KIAA0825: variants seen among roughly 807,000 people sequenced by gnomAD.
KIAA0825 encodes the protein uncharacterized protein KIAA0825.
KIAA0825 carries 119 observed loss-of-function variants against 147.6 expected under a neutral mutation model. That is an observed-to-expected ratio of 0.81 (90% CI 0.69 to 0.94). The LOEUF is 0.94. Ranked by LOEUF, KIAA0825 falls within the 40% of genes least tolerant of loss-of-function variation. KIAA0825 has a pLI of 0.00. For synonymous variants in KIAA0825, 470 were observed against 518.1 expected (o/e 0.91, Z 1.26); for missense variants, 1,381 against 1,472.7 (o/e 0.94, Z 1.02).
intron 20 of KIAA0825, among the ~76,000 whole-genome samples, chr5:94,288,004 C>T (rs1562350800): frequency 1.3e-5 from 2 of 152,080 alleles, no homozygotes; most frequent in South Asian, 4.1e-4. Flanking sequence ...AACCAAAATT[C>T]CAAGGAGGAA....
intron 20 of KIAA0825, among the ~76,000 whole-genome samples, chr5:94,162,685 C>T (rs1212420198): frequency 6.6e-6 from 1 of 152,150 alleles, no homozygotes. Flanking sequence ...TATTTCTTCT[C>T]CCAAACAAAA....
At chr5:94,598,548 A>G (rs931389677) in intron 1 of KIAA0825, among the ~76,000 whole-genome samples, 1 of 152,140 alleles carries the variant, frequency 6.6e-6, no homozygotes, top group African/African-American at 2.4e-5. Context: ...TAGAAGAAGA[A>G]TATGCTAAAA....
At chr5:94,439,219 G>A (rs570809969) in intron 14 of KIAA0825, among the ~76,000 whole-genome samples, 56 of 152,260 alleles carry the variant, frequency 3.7e-4, no homozygotes, top group African/African-American at 1.3e-3. Flanking sequence ...ACAGAAGAAA[G>A]ATTTTGATTT....
At chr5:94,417,845 T>A (rs1420521937) in intron 14 of KIAA0825, among the ~76,000 whole-genome samples, 16 of 152,214 alleles carry the variant, frequency 1.1e-4, no homozygotes, top group African/African-American at 3.9e-4. Context: ...AACAAATTTA[T>A]GAATGTTTCT....
intron 12 of KIAA0825, among the ~76,000 whole-genome samples, 167 bp downstream of exon 12, chr5:94,462,220 C>G (rs1257371135): frequency 6.6e-6 from 1 of 151,864 alleles, no homozygotes; most frequent in Non-Finnish European, 1.5e-5. Flanking sequence ...TTATGAAACT[C>G]TGTTGGTTGG....
At chr5:94,588,352 A>C (rs888603341) in intron 1 of KIAA0825, among the ~76,000 whole-genome samples, 1 of 152,232 alleles carries the variant, frequency 6.6e-6, no homozygotes, top group Non-Finnish European at 1.5e-5. Context: ...ACAAGAAAAA[A>C]AGTCCCCATC....
intron 20 of KIAA0825, among the ~76,000 whole-genome samples, chr5:94,226,875 A>G (rs899809055): frequency 4.1e-4 from 62 of 152,272 alleles, no homozygotes; most frequent in Non-Finnish European, 6.6e-4. Context: ...TAGAATGGCA[A>G]TCATTAAAAA....
intron 20 of KIAA0825, among the ~76,000 whole-genome samples, chr5:94,200,944 AACATATATATATATATATATATATAT>A (rs1450655073): frequency 1.3e-5 from 1 of 75,366 alleles, no homozygotes; most frequent in African/African-American, 5.3e-5. Flanking sequence ...ATAGAATTTA[AACATATATATATATATATATATATAT>A]ATATATATAT....
At chr5:94,567,041 C>T (rs1173663569) in intron 2 of KIAA0825, among the ~76,000 whole-genome samples, 2 of 152,162 alleles carry the variant, frequency 1.3e-5, no homozygotes, top group African/African-American at 2.4e-5. Flanking sequence ...CATTCTGGAT[C>T]AGAATGTAAA....
intron 14 of KIAA0825, 37 bp downstream of exon 14, chr5:94,439,945 G>A (rs1417737556): frequency 1.6e-5 from 24 of 1,526,412 alleles, no homozygotes; most frequent in Non-Finnish European, 1.9e-5. Context: ...CAATGACTAG[G>A]TTTTTCGAGG....
At chr5:94,558,514 C>A (rs1776981845) in intron 2 of KIAA0825, among the ~76,000 whole-genome samples, 1 of 152,174 alleles carries the variant, frequency 6.6e-6, no homozygotes, top group South Asian at 2.1e-4. Flanking sequence ...TCTCCATGCT[C>A]CACTGCCCAA....
chr5:94,349,506 T>A (rs1282264651), intron 20 of KIAA0825, among the ~76,000 whole-genome samples: 1 of 152,190 alleles, frequency 6.6e-6, no homozygotes, highest in East Asian at 1.9e-4. Flanking sequence ...ACATGGAACT[T>A]TCTCCAAGAT....
intron 2 of KIAA0825, among the ~76,000 whole-genome samples, chr5:94,577,778 A>C (rs149361945): frequency 6.6e-6 from 1 of 152,322 alleles, no homozygotes; most frequent in Admixed American, 6.5e-5. Flanking sequence ...ACCAGATTGG[A>C]GACCATTCAA....
intron 13 of KIAA0825, among the ~76,000 whole-genome samples, chr5:94,444,986 A>G (rs1036175313): frequency 6.6e-6 from 1 of 152,150 alleles, no homozygotes; most frequent in African/African-American, 2.4e-5. Flanking sequence ...CAATAATGGC[A>G]GAAGGTGAAG....
At chr5:94,380,386 T>C in intron 20 of KIAA0825, among the ~76,000 whole-genome samples, 1 of 152,240 alleles carries the variant, frequency 6.6e-6, no homozygotes, top group East Asian at 1.9e-4. Context: ...TTTCTCTGCA[T>C]TCTTATTCCT....
At chr5:94,532,645 G>A (rs1477301701) in intron 3 of KIAA0825, among the ~76,000 whole-genome samples, 1 of 150,674 alleles carries the variant, frequency 6.6e-6, no homozygotes, top group Non-Finnish European at 1.5e-5. Context: ...TCCCACCTCA[G>A]CCTCCCAAGT....
At chr5:94,368,366 T>C (rs566217145) in intron 20 of KIAA0825, among the ~76,000 whole-genome samples, 1 of 151,692 alleles carries the variant, frequency 6.6e-6, no homozygotes, top group Non-Finnish European at 1.5e-5. Context: ...AGAAATAGGG[T>C]TTCTGCATGT....
At chr5:94,187,412 T>TG (rs1445926200) in intron 20 of KIAA0825, among the ~76,000 whole-genome samples, 5 of 149,474 alleles carry the variant, frequency 3.3e-5, no homozygotes, top group Admixed American at 6.6e-5. Context: ...GTTTTTTTTT[T>TG]TTTTTTTTTT....
At chr5:94,255,247 G>A (rs1209005595) in intron 20 of KIAA0825, among the ~76,000 whole-genome samples, 1 of 151,580 alleles carries the variant, frequency 6.6e-6, no homozygotes, top group Admixed American at 6.6e-5. Flanking sequence ...CATGACATTG[G>A]GAAGGCATCG....
Sources: gnomAD v4.1 joint callset for allele counts (sites outside exome capture counted in the v4.1 genomes callset) on GRCh38, gnomAD v4.1.1 for gene constraint, MANE v1.5 for transcripts, NCBI Gene and HGNC (gene_info 2026-07-23, HGNC 2026-07-21) for gene names.